SLC39A11: variants seen among roughly 807,000 people sequenced by gnomAD.
SLC39A11 encodes solute carrier family 39 member 11.
A neutral mutation model predicts 36.1 loss-of-function variants in SLC39A11; 33 were observed. That is an observed-to-expected ratio of 0.91 (90% confidence interval 0.69 to 1.22). SLC39A11 has a LOEUF of 1.22. Among genes scored for constraint, SLC39A11 ranks in the 50% most tolerant of loss-of-function variants. SLC39A11 has a pLI of 0.00. For missense variants in SLC39A11, 432 were observed against 430.3 expected (o/e 1.00, Z -0.03); for synonymous variants, 166 against 170.3 (o/e 0.97, Z 0.20).
intron 7 of SLC39A11, among the ~76,000 whole-genome samples, chr17:72,733,665 A>G: frequency 6.6e-6 from 1 of 152,254 alleles, no homozygotes; most frequent in South Asian, 2.1e-4. Context: ...GGCTCATCCA[A>G]CAGGGTTGCC....
intron 4 of SLC39A11, among the ~76,000 whole-genome samples, chr17:72,989,653 T>G (rs2089028774): frequency 6.6e-6 from 1 of 152,242 alleles, no homozygotes; most frequent in African/African-American, 2.4e-5. Context: ...TTCCATAGTT[T>G]ATCAAGCTGG....
At chr17:72,783,268 C>T (rs986119052) in intron 6 of SLC39A11, among the ~76,000 whole-genome samples, 1 of 152,148 alleles carries the variant, frequency 6.6e-6, no homozygotes, top group Admixed American at 6.6e-5. Flanking sequence ...AAATAAATGT[C>T]TATTGTCTAG....
intron 5 of SLC39A11, among the ~76,000 whole-genome samples, chr17:72,941,992 T>C (rs1009753679): frequency 6.6e-6 from 1 of 151,918 alleles, no homozygotes; most frequent in African/African-American, 2.4e-5. Flanking sequence ...GTGATTCTCC[T>C]GCCTCAGCCT....
In SLC39A11 at chr17:73,081,148, C is replaced by A. The variant is rs150468756; in HGVS notation, c.147+3660G>T. 2.9e-3 allele frequency among the ~76,000 whole-genome samples: 443 copies of A among 152,038 alleles called. 2 individuals carry two copies. The highest frequency in any genetic ancestry group is 9.9e-3 in the African/African-American group (409 of 41,492). ...AGAAAAAAACAAACAATCCCATCAA[C>A]AAGTGGCCTAAGGACATGAATGGAC... is the stretch of plus-strand genomic sequence containing the variant. On this transcript the variant is annotated intron_variant, in intron 3 of 9. Transcript: ENST00000255559.
rs1403563121 is a variant in SLC39A11, at chr17:72,909,741, TTCTTTTTTC to T, written c.430+38002_430+38010del. ...GCTCAACTGTCTTTCTTTCTTTTTT[TTCTTTTTTC>T]TTTTTTTTTTTTTGAGACGGAGTCT... On this transcript the variant is annotated intron_variant, in intron 5 of 9. Coordinates refer to ENST00000255559, the MANE Select transcript of SLC39A11 (RefSeq NM_139177.4). 1.1e-4 allele frequency among the ~76,000 whole-genome samples: 11 copies of T among 101,162 alleles called. No homozygotes were observed. The East Asian group carries it at 2.3e-3, about 21-fold the overall frequency. 66.4% of individuals were successfully genotyped at this position (101,162 alleles called of 152,430 possible).
chr17:72,969,798 T>A (rs1568042500), intron 4 of SLC39A11, among the ~76,000 whole-genome samples: 2 of 152,210 alleles, frequency 1.3e-5, no homozygotes, highest in African/African-American at 4.8e-5. Flanking sequence ...CTTGTTGGTT[T>A]TCTCTTTAAT....
At chr17:73,072,406 C>T (rs2060189787) in intron 3 of SLC39A11, 1 of 152,152 alleles carries the variant, frequency 6.6e-6, no homozygotes, top group Admixed American at 6.5e-5. Flanking sequence ...GCCACACCAC[C>T]CCAGATGCTC....
chr17:72,749,235 G>T (rs2075057282), intron 6 of SLC39A11, among the ~76,000 whole-genome samples: 1 of 152,130 alleles, frequency 6.6e-6, no homozygotes, highest in South Asian at 2.1e-4. Flanking sequence ...GCTATCTGTT[G>T]CTCCCAAACA....
chr17:72,765,464 T>C (rs1370439556), intron 6 of SLC39A11, among the ~76,000 whole-genome samples: 1 of 152,238 alleles, frequency 6.6e-6, no homozygotes, highest in Non-Finnish European at 1.5e-5. Context: ...CCACCGGCTC[T>C]GCATGAATTA....
chr17:72,659,883 G>A (rs535556982), intron 7 of SLC39A11, among the ~76,000 whole-genome samples: 1 of 152,152 alleles, frequency 6.6e-6, no homozygotes, highest in South Asian at 2.1e-4. Flanking sequence ...TTACAGGCTT[G>A]AGCCACCATG....
At chr17:73,019,228 G>A (rs182434302) in intron 4 of SLC39A11, among the ~76,000 whole-genome samples, 4 of 152,288 alleles carry the variant, frequency 2.6e-5, no homozygotes, top group Admixed American at 2.6e-4. Context: ...ATAAAAATAT[G>A]GGTCTACTGA....
At chr17:72,684,144 C>CGAT in intron 7 of SLC39A11, among the ~76,000 whole-genome samples, 1 of 152,262 alleles carries the variant, frequency 6.6e-6, no homozygotes, top group East Asian at 1.9e-4. Context: ...TAGCAGTTTA[C>CGAT]GATGATTATC....
At chr17:72,726,526 A>G (rs1298486851) in intron 7 of SLC39A11, among the ~76,000 whole-genome samples, 1 of 151,872 alleles carries the variant, frequency 6.6e-6, no homozygotes, top group East Asian at 1.9e-4. Context: ...ACACACAAAC[A>G]CACACACACA....
chr17:73,060,541 A>C (rs1290728673), intron 3 of SLC39A11, among the ~76,000 whole-genome samples: 1 of 152,178 alleles, frequency 6.6e-6, no homozygotes, highest in Non-Finnish European at 1.5e-5. Flanking sequence ...GGTGATATTT[A>C]AACCAAAATC....
chr17:72,688,111 C>G (rs950601172), intron 7 of SLC39A11, among the ~76,000 whole-genome samples: 50 of 152,220 alleles, frequency 3.3e-4, no homozygotes, highest in Admixed American at 3.3e-3. Flanking sequence ...CGACTACGAA[C>G]TTCAGGGAAG....
intron 7 of SLC39A11, among the ~76,000 whole-genome samples, chr17:72,689,715 C>T (rs754477556): frequency 6.6e-6 from 1 of 152,152 alleles, no homozygotes; most frequent in Non-Finnish European, 1.5e-5. Flanking sequence ...TTGTACGATT[C>T]CACTGACATG....
intron 4 of SLC39A11, among the ~76,000 whole-genome samples, chr17:72,966,227 C>A (rs1268098258): frequency 6.6e-6 from 1 of 152,196 alleles, no homozygotes; most frequent in African/African-American, 2.4e-5. Context: ...GTGGGAACAT[C>A]ACATCCAGTG....
chr17:72,714,222 G>A (rs2143389404), intron 7 of SLC39A11, among the ~76,000 whole-genome samples: 1 of 152,198 alleles, frequency 6.6e-6, no homozygotes, highest in East Asian at 1.9e-4. Flanking sequence ...TGGGTGTAGT[G>A]GTGCGCACCT....
At chr17:72,815,652 T>C (rs2077558334) in intron 6 of SLC39A11, among the ~76,000 whole-genome samples, 2 of 151,426 alleles carry the variant, frequency 1.3e-5, no homozygotes, top group Non-Finnish European at 2.9e-5. Flanking sequence ...CCAGGTGTGG[T>C]GGCTCACACC....
Sources: gnomAD v4.1 joint callset for allele counts (sites outside exome capture counted in the v4.1 genomes callset) on GRCh38, gnomAD v4.1.1 for gene constraint, MANE v1.5 for transcripts, NCBI Gene and HGNC (gene_info 2026-07-23, HGNC 2026-07-21) for gene names.